FGFR4: variants seen among roughly 807,000 people sequenced by gnomAD.
FGFR4 encodes the protein hydroxyaryl-protein kinase.
FGFR4 carries 63 observed loss-of-function variants against 89.9 expected under a neutral mutation model. The ratio of observed to expected loss-of-function variants is 0.70; its 90% CI spans 0.57 to 0.86. FGFR4 has a LOEUF of 0.86. Ranked by LOEUF, FGFR4 falls within the 40% of genes least tolerant of loss-of-function variation. The pLI, the probability that FGFR4 is intolerant of heterozygous loss-of-function variation, is 0.00. For missense variants in FGFR4, 928 were observed against 1,106.7 expected, an observed-to-expected ratio of 0.84 and a Z score of 2.29; for synonymous variants, 486 against 479.4, an observed-to-expected ratio of 1.01 and a Z score of -0.18.
chr5:177,094,765 GCA>G (rs1784490316), intron 11 of FGFR4: 1 of 162,174 alleles, frequency 6.2e-6, no homozygotes, highest in Non-Finnish European at 1.4e-5. Flanking sequence ...ATTGAGAAAT[GCA>G]CATTGTGTCA....
rs1784665536 is a variant in FGFR4, at chr5:177,097,786, G to A, written c.*110G>A. On this transcript the variant is annotated 3_prime_UTR_variant, in exon 18 of 18. Coordinates refer to ENST00000292408, the MANE Select transcript of FGFR4 (RefSeq NM_213647.3). The stretch of plus-strand genomic sequence containing the variant: ...GATAGCATGGGGCCCCTGGCCCAGA[G>A]TTGCTGTGCCGTGTCCAAGGGCCGT... 7.2e-7 allele frequency: 1 copy of A among 1,395,920 alleles called. No homozygotes were observed. The highest frequency in any genetic ancestry group is 1.4e-5 in the African/African-American group (1 of 69,458). The allele number at this position is 1,395,920 out of a possible 1,614,324, so 86.5% of individuals were successfully genotyped here.
In FGFR4 at chr5:177,095,867, TC is replaced by T; in HGVS notation, c.1821+148del. 8.0e-7 allele frequency: 1 copy of T among 1,243,112 alleles called. No individual in the cohort carries two copies. Among genetic ancestry groups the T allele is most frequent in the Non-Finnish European group, 1.1e-6 (1 of 915,652 alleles). The allele number at this position is 1,243,112 out of a possible 1,614,324, so 77.0% of individuals were successfully genotyped here. Reference sequence around the variant, plus strand: ...CCCAGGCATTCACGCTTTCCTGCATTCCCCACTCGTTCCTCACCCTTCCCCA... The same window carrying T: ...CCCAGGCATTCACGCTTTCCTGCATTCCCACTCGTTCCTCACCCTTCCCCA... On this transcript the variant is annotated intron_variant, in intron 13 of 17. Coordinates refer to ENST00000292408, the MANE Select transcript of FGFR4 (RefSeq NM_213647.3). The surrounding 1 kb of genome is among the most constrained non-coding windows in gnomAD (Gnocchi z 5.7).
At chr5:177,092,269 G>T (rs1350013326) in intron 6 of FGFR4, 52 bp from the exon 7 acceptor site, 4 of 1,493,324 alleles carry the variant, frequency 2.7e-6, no homozygotes, top group Admixed American at 4.6e-5. Context: ...GGCAAACAGG[G>T]TGCTTCTATG....
chr5:177,095,390 T>C lies in FGFR4; in HGVS notation c.1580T>C (p.Ile527Thr). ...LVSEMEVMKLIGRHKNIINLL... is the reference protein window; with the variant it reads ...LVSEMEVMKLTGRHKNIINLL... ...TCGGAGATGGAGGTGATGAAGCTGA[T>C]CGGCCGACACAAGAACATCATCAAC... is the stretch of plus-strand genomic sequence containing the variant. Residue 527 changes from isoleucine to threonine, a missense_variant, in exon 12 of 18, where the codon ATC becomes ACC. Physicochemically the swap from Ile to Thr is moderately conservative, Grantham distance 89. This residue lies in a region of FGFR4 where 741 missense variants were observed against 836.9 expected (regional missense o/e 0.89). Coordinates refer to ENST00000292408, the MANE Select transcript of FGFR4 (RefSeq NM_213647.3). The surrounding 1 kb of genome is among the most constrained non-coding windows in gnomAD (Gnocchi z 5.7). 1 of 1,614,112 alleles carries C rather than the reference T, an allele frequency of 6.2e-7. No homozygotes were observed. The highest frequency in any genetic ancestry group is 8.5e-7 in the Non-Finnish European group (1 of 1,180,020).
intron 5 of FGFR4, among the ~76,000 whole-genome samples, chr5:177,091,421 T>G (rs1381676754): frequency 1.3e-5 from 2 of 152,192 alleles, no homozygotes; most frequent in African/African-American, 4.8e-5. Context: ...ATGAGGCAAC[T>G]GAGTCTCAGA....
In FGFR4 at chr5:177,095,448, C is replaced by T. The variant is rs781095339; in HGVS notation, c.1630+8C>T. On this transcript the variant is annotated splice_region_variant and intron_variant, in intron 12 of 17. Coordinates refer to ENST00000292408, the MANE Select transcript of FGFR4 (RefSeq NM_213647.3). The surrounding 1 kb of genome is among the most constrained non-coding windows in gnomAD (Gnocchi z 5.7). ...GTGTCTGCACCCAGGAAGGTGGGGCCGAGGCGGGGCTGGCTGCACGGGCCG... is the reference window on the plus strand; with the variant it reads ...GTGTCTGCACCCAGGAAGGTGGGGCTGAGGCGGGGCTGGCTGCACGGGCCG... 9.9e-6 allele frequency: 16 copies of T among 1,613,978 alleles called. No homozygotes were observed. Among genetic ancestry groups the T allele is most frequent in the African/African-American group, 4.0e-5 (3 of 74,932 alleles).
Position 177,090,649 on chromosome 5 carries a change from A to G in FGFR4, c.351A>G (p.Thr117=), listed in dbSNP as rs926007365. 6.6e-7 allele frequency: 1 copy of G among 1,522,740 alleles called. No homozygotes were observed. Among genetic ancestry groups the G allele is most frequent in the Non-Finnish European group, 8.8e-7 (1 of 1,136,798 alleles). The allele number at this position is 1,522,740 out of a possible 1,614,324, so 94.3% of individuals were successfully genotyped here. The change falls in exon 3 of 18, where the codon ACA becomes ACG. Residue 117 remains threonine, a synonymous_variant. Transcript: ENST00000292408. ...TCCTGCAGAATCTCACCTTGATTAC[A>G]GGTGGTAAGAGACTCTAGCAGGGAG... ...MIVLQNLTLI[T]GDSLTSSNDD...
chr5:177,092,755 A>T lies in FGFR4; in HGVS notation c.1028A>T (p.Tyr343Phe), dbSNP rs749456342. The change falls in exon 8 of 18, where the codon TAC (tyrosine) becomes TTC (phenylalanine). Residue 343 changes from tyrosine to phenylalanine, a missense_variant. By Grantham distance (22) the Tyr-to-Phe change is conservative. This residue lies in a region of FGFR4 where 741 missense variants were observed against 836.9 expected (regional missense o/e 0.89). Coordinates refer to ENST00000292408, the MANE Select transcript of FGFR4 (RefSeq NM_213647.3). ...CLAGNSIGLS[Y>F]QSAWLTVLPE... ...GCAGGCAATTCCATCGGCCTCTCCT[A>T]CCAGTCTGCCTGGCTCACGGTGCTG... The T allele has an allele frequency of 6.2e-7, 1 of 1,614,216 alleles. No homozygotes were observed.
Position 177,090,477 on chromosome 5 carries a change from C to A in FGFR4, c.179C>A (p.Ala60Asp). The A allele has an allele frequency of 6.3e-7, 1 of 1,593,416 alleles. No homozygotes were observed. Among genetic ancestry groups the A allele is most frequent in the Non-Finnish European group, 8.5e-7 (1 of 1,169,918 alleles). ...GQPVRLCCGR[A>D]ERGGHWYKEG... Reference sequence around the variant, plus strand: ...CCTGTGCGTCTGTGCTGTGGGCGGGCTGAGCGTGGTGGCCACTGGTACAAG... The same window carrying A: ...CCTGTGCGTCTGTGCTGTGGGCGGGATGAGCGTGGTGGCCACTGGTACAAG... The change falls in exon 3 of 18, where the codon GCT (alanine) becomes GAT (aspartate). Residue 60 changes from alanine (A) to aspartate (D), a missense_variant. Physicochemically the swap from Ala to Asp is moderately radical, Grantham distance 126. Around this residue, in one of 5 missense-constraint regions of FGFR4, gnomAD observed 741 missense variants for 836.9 expected, o/e 0.89. Transcript: ENST00000292408.
Position 177,090,474 on chromosome 5 carries a change from G to A in FGFR4, c.176G>A (p.Arg59Gln), listed in dbSNP as rs751304047. 2.8e-5 allele frequency: 44 copies of A among 1,595,038 alleles called. No individual in the cohort carries two copies. The highest frequency in any genetic ancestry group is 1.4e-4 in the Admixed American group (8 of 59,046). The change falls in exon 3 of 18, where the codon CGG (arginine) becomes CAG (glutamine). Residue 59 changes from arginine (R) to glutamine (Q), a missense_variant. Around this residue, in one of 5 missense-constraint regions of FGFR4, gnomAD observed 741 missense variants for 836.9 expected, o/e 0.89. Transcript: ENST00000292408. ...CAGCCTGTGCGTCTGTGCTGTGGGCGGGCTGAGCGTGGTGGCCACTGGTAC... is the reference window on the plus strand; with the variant it reads ...CAGCCTGTGCGTCTGTGCTGTGGGCAGGCTGAGCGTGGTGGCCACTGGTAC... The part of the protein sequence containing the change: ...LGQPVRLCCG[R>Q]AERGGHWYKE...
chr5:177,095,937 C>T lies in FGFR4; in HGVS notation c.1822-120C>T. 4.2e-6 allele frequency: 6 copies of T among 1,419,472 alleles called. No homozygotes were observed. The South Asian group carries it at 8.6e-5, about 20-fold the overall frequency. The allele number at this position is 1,419,472 out of a possible 1,614,324, so 87.9% of individuals were successfully genotyped here. On this transcript the variant is annotated intron_variant, in intron 13 of 17. Coordinates refer to ENST00000292408, the MANE Select transcript of FGFR4 (RefSeq NM_213647.3). This position sits in a 1 kb window ranked among gnomAD's most constrained non-coding sequence, Gnocchi z 5.7. ...GGAGAAGGCACTCCCCGTTTCTAAACCTTGACCTCCTCCTCTGTAAAGTGG... is the reference window on the plus strand; with the variant it reads ...GGAGAAGGCACTCCCCGTTTCTAAATCTTGACCTCCTCCTCTGTAAAGTGG...
chr5:177,097,825 G>C lies in FGFR4; in HGVS notation c.*149G>C, dbSNP rs960172232. 1 of 963,842 alleles carries C rather than the reference G, an allele frequency of 1.0e-6. No homozygotes were observed. Among genetic ancestry groups the C allele is most frequent in the South Asian group, 1.9e-5 (1 of 52,050 alleles). The allele number at this position is 963,842 out of a possible 1,614,324, so 59.7% of individuals were successfully genotyped here. The stretch of plus-strand genomic sequence containing the variant: ...TCCAAGGGCCGTGCCCTTGCCCTTG[G>C]AGCTGCCGTGCCTGTGTCCTGATGG... On this transcript the variant is annotated 3_prime_UTR_variant, in exon 18 of 18. Coordinates refer to ENST00000292408, the MANE Select transcript of FGFR4 (RefSeq NM_213647.3).
At chr5:177,092,606 CA>C in intron 7 of FGFR4, 39 bp from the exon 8 acceptor site, 1 of 1,580,756 alleles carries the variant, frequency 6.3e-7, no homozygotes, top group South Asian at 1.2e-5. Flanking sequence ...AGTGTGGCCC[CA>C]GGCCCTGCTG....
In FGFR4 at chr5:177,093,208, C is replaced by T; in HGVS notation, c.1128C>T (p.Gly376=). ...RYTDIILYAS[G]SLALAVLLLL... ...CGGACATCATCCTGTACGCGTCGGGCTCCCTGGCCTTGGCTGTGCTCCTGC... is the reference window on the plus strand; with the variant it reads ...CGGACATCATCCTGTACGCGTCGGGTTCCCTGGCCTTGGCTGTGCTCCTGC... Residue 376 remains glycine, a synonymous_variant, in exon 9 of 18, where the codon GGC becomes GGT. Coordinates refer to ENST00000292408, the MANE Select transcript of FGFR4 (RefSeq NM_213647.3). The surrounding 1 kb of genome is among the most constrained non-coding windows in gnomAD (Gnocchi z 5.8). The T allele has an allele frequency of 1.2e-6, 2 of 1,612,744 alleles. No homozygotes were observed. The highest frequency in any genetic ancestry group is 1.7e-6 in the Non-Finnish European group (2 of 1,178,966).
rs1334020173 is a variant in FGFR4, at chr5:177,087,139, G to C, written c.-54+62G>C. 1 of 152,134 alleles carries C rather than the reference G, an allele frequency of 6.6e-6. No homozygotes were observed. The highest frequency in any genetic ancestry group is 1.5e-5 in the Non-Finnish European group (1 of 68,038). 9.4% of individuals were successfully genotyped at this position (152,134 alleles called of 1,614,324 possible). ...CAGCCGCCAGGGGGCGAGAGGCGGC[G>C]GGGCTACGGGGACTGCCCCTCCCGG... On this transcript the variant is annotated intron_variant, in intron 1 of 17. Transcript: ENST00000292408. The surrounding 1 kb of genome is among the most constrained non-coding windows in gnomAD (Gnocchi z 6.1).
At chr5:177,089,952 A>G (rs434434) in intron 2 of FGFR4, 559,188 of 688,110 alleles carry the variant, frequency 0.81, 228,865 homozygotes, top group East Asian at 1. Flanking sequence ...TGAGCTCCTT[A>G]CCTGGGTGTG....
intron 16 of FGFR4, among the ~76,000 whole-genome samples, 187 bp downstream of exon 16, chr5:177,096,928 C>T (rs1452834972): frequency 3.3e-5 from 4 of 122,466 alleles, no homozygotes; most frequent in South Asian, 3.3e-4. Flanking sequence ...TCCTCCTCCT[C>T]CTCTTCCTCC....
In FGFR4 at chr5:177,095,394, C is replaced by T. The variant is rs1243707833; in HGVS notation, c.1584C>T (p.Gly528=). 1 of 1,614,202 alleles carries T rather than the reference C, an allele frequency of 6.2e-7. No homozygotes were observed. The highest frequency in any genetic ancestry group is 2.2e-5 in the East Asian group (1 of 44,882). The part of the protein sequence containing the change: ...VSEMEVMKLI[G]RHKNIINLLG... ...AGATGGAGGTGATGAAGCTGATCGGCCGACACAAGAACATCATCAACCTGC... is the reference window on the plus strand; with the variant it reads ...AGATGGAGGTGATGAAGCTGATCGGTCGACACAAGAACATCATCAACCTGC... The change falls in exon 12 of 18, where the codon GGC becomes GGT. Residue 528 remains glycine, a synonymous_variant. Coordinates refer to ENST00000292408, the MANE Select transcript of FGFR4 (RefSeq NM_213647.3). This position sits in a 1 kb window ranked among gnomAD's most constrained non-coding sequence, Gnocchi z 5.7.
chr5:177,090,794 C>A lies in FGFR4; in HGVS notation c.405C>A (p.Asp135Glu). Residue 135 changes from aspartate to glutamate, a missense_variant, in exon 4 of 18, where the codon GAC becomes GAA. This residue lies in a region of FGFR4 where 741 missense variants were observed against 836.9 expected (regional missense o/e 0.89). Coordinates refer to ENST00000292408, the MANE Select transcript of FGFR4 (RefSeq NM_213647.3). ...ATGAGGACCCCAAGTCCCATAGGGACCCCTCGAATAGGCACAGTTACCCCC... is the reference window on the plus strand; with the variant it reads ...ATGAGGACCCCAAGTCCCATAGGGAACCCTCGAATAGGCACAGTTACCCCC... ...NDDEDPKSHR[D>E]PSNRHSYPQQ... 6.2e-7 allele frequency: 1 copy of A among 1,613,886 alleles called. No individual in the cohort carries two copies. Among genetic ancestry groups the A allele is most frequent in the Non-Finnish European group, 8.5e-7 (1 of 1,179,872 alleles).
Sources: allele counts gnomAD v4.1 joint callset (sites outside exome capture counted in the v4.1 genomes callset), GRCh38; gene constraint gnomAD v4.1.1; regional missense constraint gnomAD v4.1.1; non-coding constraint Gnocchi (gnomAD v3.1); transcripts MANE v1.5; gene names NCBI Gene and HGNC (gene_info 2026-07-23, HGNC 2026-07-21).